SCN11A: variants seen among roughly 807,000 people sequenced by gnomAD.
SCN11A encodes the protein sodium voltage-gated channel alpha subunit 11, also known as sodium channel protein type 11 subunit alpha.
In SCN11A, 122 loss-of-function variants were observed where a neutral mutation model predicts 162.2. The observed-to-expected ratio is 0.75, with a 90% CI of 0.65 to 0.87. SCN11A has a LOEUF of 0.87. Ranked by LOEUF, SCN11A falls within the 40% of genes least tolerant of loss-of-function variation. The pLI is 0.00. For synonymous variants in SCN11A, 758 were observed against 751.5 expected, an observed-to-expected ratio of 1.01 and a Z score of -0.14; for missense variants, 2,015 against 2,181.6, an observed-to-expected ratio of 0.92 and a Z score of 1.52.
intron 28 of SCN11A, among the ~76,000 whole-genome samples, chr3:38,853,761 C>T (rs2064822117): frequency 6.6e-6 from 1 of 152,186 alleles, no homozygotes; most frequent in South Asian, 2.1e-4. Context: ...TTCTTTCATC[C>T]TGCTTTCCCT....
intron 2 of SCN11A, among the ~76,000 whole-genome samples, chr3:38,994,391 C>T (rs1054769479): frequency 1.3e-5 from 2 of 152,164 alleles, no homozygotes; most frequent in Non-Finnish European, 2.9e-5. Context: ...ATGTTCAGAA[C>T]ATGTTTAGGA....
chr3:38,889,417 C>G (rs1219733641), intron 19 of SCN11A, among the ~76,000 whole-genome samples: 1 of 150,080 alleles, frequency 6.7e-6, no homozygotes, highest in Non-Finnish European at 1.5e-5. Flanking sequence ...AAGAGCAAAA[C>G]TCCGCCTCAA....
chr3:38,893,314 T>C (rs1324770314), intron 19 of SCN11A, among the ~76,000 whole-genome samples: 1 of 152,154 alleles, frequency 6.6e-6, no homozygotes, highest in Non-Finnish European at 1.5e-5. Context: ...TGGGAAGATA[T>C]AGCATTTATA....
chr3:39,000,808 G>A (rs373999849), intron 2 of SCN11A, among the ~76,000 whole-genome samples: 21 of 152,292 alleles, frequency 1.4e-4, no homozygotes, highest in Non-Finnish European at 1.5e-4. Context: ...AGGCCAAGGC[G>A]GGTGGATCAC....
intron 19 of SCN11A, 57 bp downstream of exon 19, chr3:38,894,476 G>A (rs1014383616): frequency 7.9e-6 from 11 of 1,387,748 alleles, no homozygotes; most frequent in African/African-American, 4.3e-5. Context: ...GGCTACCAGT[G>A]CCCTGTGATA....
intron 2 of SCN11A, among the ~76,000 whole-genome samples, chr3:39,009,910 C>T (rs889906335): frequency 6.9e-6 from 1 of 145,394 alleles, no homozygotes; most frequent in African/African-American, 2.6e-5. Flanking sequence ...ATCTTGAACT[C>T]CTGGGCTCAA....
chr3:38,938,391 T>TA (rs2066371554), intron 7 of SCN11A, among the ~76,000 whole-genome samples: 1 of 146,334 alleles, frequency 6.8e-6, no homozygotes, highest in South Asian at 2.2e-4. Flanking sequence ...AATAATAAAA[T>TA]AAAAAACAAA....
intron 2 of SCN11A, among the ~76,000 whole-genome samples, chr3:39,010,992 T>C (rs2031115860): frequency 1.3e-5 from 2 of 152,202 alleles, no homozygotes; most frequent in African/African-American, 4.8e-5. Flanking sequence ...GTTCCAGCTC[T>C]GCCACTTACT....
At chr3:38,913,627 G>T (rs988218503) in intron 11 of SCN11A, among the ~76,000 whole-genome samples, 1 of 151,932 alleles carries the variant, frequency 6.6e-6, no homozygotes, top group Non-Finnish European at 1.5e-5. Flanking sequence ...TTATAGTTTG[G>T]GGATTTACAT....
chr3:38,934,015 C>T (rs1486974649), intron 7 of SCN11A, among the ~76,000 whole-genome samples: 1 of 152,228 alleles, frequency 6.6e-6, no homozygotes, highest in Non-Finnish European at 1.5e-5. Context: ...ATCAGACTAA[C>T]AGCAGACCTC....
Position 38,847,307 on chromosome 3 carries a change from A to T in SCN11A, c.4763T>A (p.Ile1588Asn). The T allele has an allele frequency of 6.2e-7, 1 of 1,614,236 alleles. No homozygotes were observed. Among genetic ancestry groups the T allele is most frequent in the South Asian group, 1.1e-5 (1 of 91,084 alleles). The change falls in exon 30 of 30, where the codon ATT (isoleucine) becomes AAT (asparagine). Residue 1588 changes from isoleucine (I) to asparagine (N), a missense_variant. By Grantham distance (149) the Ile-to-Asn change is moderately radical. Coordinates refer to ENST00000302328, the MANE Select transcript of SCN11A (RefSeq NM_001349253.2). Reference sequence around the variant, plus strand: ...GACAACAATGAGAAAGGAGATGATAATGTAACTGACAAAGTAGGATGTGGC... The same window carrying T: ...GACAACAATGAGAAAGGAGATGATATTGTAACTGACAAAGTAGGATGTGGC... ...GIATSYFVSY[I>N]IISFLIVVNM...
At chr3:38,932,403 C>T (rs895792992) in intron 7 of SCN11A, among the ~76,000 whole-genome samples, 3 of 152,166 alleles carry the variant, frequency 2.0e-5, no homozygotes, top group African/African-American at 4.8e-5. Context: ...GTGCATGAGC[C>T]GAAGCAGGGT....
chr3:39,012,992 A>G (rs1259746329), intron 2 of SCN11A, among the ~76,000 whole-genome samples: 2 of 152,148 alleles, frequency 1.3e-5, no homozygotes, highest in Non-Finnish European at 2.9e-5. Context: ...TATTTTTTTT[A>G]ACTGAGGATG....
chr3:38,941,551 G>C (rs952712291), intron 7 of SCN11A, among the ~76,000 whole-genome samples: 22 of 152,124 alleles, frequency 1.4e-4, no homozygotes, highest in Non-Finnish European at 2.9e-4. Context: ...ATAACTATAT[G>C]ATAAAAAACA....
At chr3:38,980,955 T>C (rs1026853576) in intron 2 of SCN11A, among the ~76,000 whole-genome samples, 3 of 152,168 alleles carry the variant, frequency 2.0e-5, no homozygotes, top group African/African-American at 7.2e-5. Context: ...AAATTTCTGA[T>C]ACAGTGGAGA....
In SCN11A at chr3:38,847,143, A is replaced by G; in HGVS notation, c.4927T>C (p.Tyr1643His). The change falls in exon 30 of 30, where the codon TAT (tyrosine) becomes CAT (histidine). Residue 1643 changes from tyrosine to histidine, a missense_variant. Transcript: ENST00000302328. ...TCAGCAAAGTCAGAAAGGGCAGAAT[A>G]TTTGATAAATTGTGTTGCTTCTGGG... Reference protein sequence around the residue: ...FDPEATQFIKYSALSDFADAL... With the variant: ...FDPEATQFIKHSALSDFADAL... 6.2e-7 allele frequency: 1 copy of G among 1,614,224 alleles called. No homozygotes were observed. Among genetic ancestry groups the G allele is most frequent in the African/African-American group, 1.3e-5 (1 of 75,060 alleles).
At chr3:38,857,384 A>C (rs1235347288) in intron 28 of SCN11A, among the ~76,000 whole-genome samples, 1 of 152,092 alleles carries the variant, frequency 6.6e-6, no homozygotes, top group Non-Finnish European at 1.5e-5. Context: ...TCAACAATAG[A>C]CTAGGACAAG....
intron 2 of SCN11A, among the ~76,000 whole-genome samples, chr3:39,002,170 A>G (rs1258068964): frequency 1.3e-5 from 2 of 152,232 alleles, no homozygotes; most frequent in Non-Finnish European, 2.9e-5. Flanking sequence ...CTATACATCT[A>G]TCTTTATGCC....
intron 2 of SCN11A, among the ~76,000 whole-genome samples, chr3:38,971,779 CAA>C (rs755526233): frequency 3.3e-5 from 5 of 152,204 alleles, no homozygotes; most frequent in Non-Finnish European, 7.3e-5. Flanking sequence ...TGGTTCAGGG[CAA>C]AGACTATCCT....
Sources: allele counts gnomAD v4.1 joint callset (sites outside exome capture counted in the v4.1 genomes callset), GRCh38; gene constraint gnomAD v4.1.1; transcripts MANE v1.5; gene names NCBI Gene and HGNC (gene_info 2026-07-23, HGNC 2026-07-21).